Variants in PRDM7 observed in about 807,000 individuals in gnomAD.
PRDM7 encodes the protein histone-lysine N-methyltransferase PRDM7.
Under a neutral mutation model 64.3 loss-of-function variants are expected in PRDM7, and 52 were observed. The observed-to-expected ratio is 0.81, with a 90% CI of 0.65 to 1.02. PRDM7 has a LOEUF of 1.02. Ranked by LOEUF, PRDM7 falls within the 50% of genes least tolerant of loss-of-function variation. The pLI is 0.00. For missense variants in PRDM7, 574 were observed against 597.1 expected, an observed-to-expected ratio of 0.96 and a Z score of 0.40; for synonymous variants, 192 against 210.1, an observed-to-expected ratio of 0.91 and a Z score of 0.74.
At chr16:90,073,403 T>C (rs1324461127) in intron 4 of PRDM7, among the ~76,000 whole-genome samples, 1 of 139,316 alleles carries the variant, frequency 7.2e-6, no homozygotes, top group Non-Finnish European at 1.6e-5. Flanking sequence ...AGAATGACAA[T>C]TTTTTTTTTT....
chr16:90,073,797 C>T (rs548189493), intron 4 of PRDM7, among the ~76,000 whole-genome samples: 7 of 151,576 alleles, frequency 4.6e-5, no homozygotes, highest in South Asian at 4.2e-4. Flanking sequence ...TTTTTCCCCC[C>T]GAGACGGAGT....
In PRDM7 at chr16:90,066,867, G is replaced by C. The variant is rs1426748425; in HGVS notation, c.345C>G (p.His115Gln). The C allele has an allele frequency of 1.3e-6, 2 of 1,592,148 alleles. No homozygotes were observed. The change falls in exon 5 of 11, where the codon CAC becomes CAG. Residue 115 changes from histidine (H) to glutamine (Q), a missense_variant. Coordinates refer to ENST00000449207, the MANE Select transcript of PRDM7 (RefSeq NM_001098173.2). The stretch of plus-strand genomic sequence containing the variant: ...GGATTTGGGAGATACTTACCTTCTG[G>C]TGTTTACTCTGTTCTCCTCTGAAGG... ...WMAFRGEQSKHQKGMPKASFN... is the reference protein window; with the variant it reads ...WMAFRGEQSKQQKGMPKASFN...
chr16:90,071,252 C>G (rs12923514), intron 4 of PRDM7, among the ~76,000 whole-genome samples: 77,119 of 152,002 alleles, frequency 0.51, 22,868 homozygotes, highest in Middle Eastern at 0.78. Flanking sequence ...CTACCTCAAC[C>G]TCCCAAGTAG....
At chr16:90,059,634 C>T (rs763661465) in intron 10 of PRDM7, among the ~76,000 whole-genome samples, 1 of 152,260 alleles carries the variant, frequency 6.6e-6, no homozygotes, top group Non-Finnish European at 1.5e-5. Flanking sequence ...TGACAATCCC[C>T]TGCAACACTC....
In PRDM7 at chr16:90,062,517, A is replaced by G. The variant is rs1414866605; in HGVS notation, c.509-15T>C. On this transcript the variant is annotated splice_polypyrimidine_tract_variant and intron_variant, in intron 6 of 10. Transcript: ENST00000449207. ...CCTCCTGAGTTCTAGGTTGGAGAAG[A>G]GTAGATGGGTAAAATTGGGAGTCTG... The G allele has an allele frequency of 1.9e-6, 3 of 1,593,602 alleles. No individual in the cohort carries two copies. The highest frequency in any genetic ancestry group is 2.6e-6 in the Non-Finnish European group (3 of 1,161,538).
chr16:90,067,912 A>G (rs537858897), intron 4 of PRDM7, among the ~76,000 whole-genome samples: 1 of 151,348 alleles, frequency 6.6e-6, no homozygotes, highest in South Asian at 2.1e-4. Flanking sequence ...TTTTAACATC[A>G]TAGTCGATGA....
chr16:90,066,464 G>A lies in PRDM7; in HGVS notation c.351+397C>T, dbSNP rs1169928937. ...TTTTAATGATCTTGTAAGTGCTTTA[G>A]AGAAGGAGTTTTGGATTAGACTGCA... On this transcript the variant is annotated intron_variant, in intron 5 of 10. Coordinates refer to ENST00000449207, the MANE Select transcript of PRDM7 (RefSeq NM_001098173.2). Among the ~76,000 whole-genome samples, 2 of 151,206 alleles carry A rather than the reference G, an allele frequency of 1.3e-5. 1 individual carries two copies. The highest frequency in any genetic ancestry group is 4.9e-5 in the African/African-American group (2 of 40,618).
chr16:90,075,848 C>T lies in PRDM7; in HGVS notation c.63G>A (p.Lys21=). Residue 21 remains lysine (K), a synonymous_variant, in exon 2 of 11, where the codon AAG becomes AAA. Transcript: ENST00000449207. This position sits in a 1 kb window ranked among gnomAD's most constrained non-coding sequence, Gnocchi z 4.3. ...PEGDTERTER[K]PMVKDAFKDI... ...CGCCTCCCCGACTTCTCACCATGGGCTTCCGCTCTGTTCTCTCTGTGTCTC... is the reference window on the plus strand; with the variant it reads ...CGCCTCCCCGACTTCTCACCATGGGTTTCCGCTCTGTTCTCTCTGTGTCTC... 1 of 1,613,936 alleles carries T rather than the reference C, an allele frequency of 6.2e-7. No homozygotes were observed. The highest frequency in any genetic ancestry group is 8.5e-7 in the Non-Finnish European group (1 of 1,179,936).
intron 4 of PRDM7, among the ~76,000 whole-genome samples, chr16:90,068,242 G>A (rs1370972743): frequency 1.3e-5 from 2 of 150,440 alleles, no homozygotes; most frequent in South Asian, 2.1e-4. Context: ...TCATGCTACT[G>A]CACTCCAGCT....
chr16:90,072,103 C>T (rs1374873857), intron 4 of PRDM7, among the ~76,000 whole-genome samples: 1 of 152,046 alleles, frequency 6.6e-6, no homozygotes, highest in East Asian at 1.9e-4. Context: ...TGGTGGCAGG[C>T]GCTTGTAGTC....
intron 4 of PRDM7, among the ~76,000 whole-genome samples, chr16:90,067,552 A>G (rs1362522697): frequency 6.6e-6 from 1 of 150,876 alleles, no homozygotes; most frequent in African/African-American, 2.5e-5. Flanking sequence ...AATAGAAGGA[A>G]ATCACCTCGA....
chr16:90,068,917 T>C (rs2151310932), intron 4 of PRDM7, among the ~76,000 whole-genome samples: 1 of 151,430 alleles, frequency 6.6e-6, no homozygotes, highest in Non-Finnish European at 1.5e-5. Flanking sequence ...GACTTAATAT[T>C]GTTAACATGT....
Position 90,058,149 on chromosome 16 carries a change from G to A in PRDM7, c.*140C>T. 1.2e-6 allele frequency: 2 copies of A among 1,614,134 alleles called. No homozygotes were observed. The highest frequency in any genetic ancestry group is 2.2e-5 in the South Asian group (2 of 91,084). On this transcript the variant is annotated 3_prime_UTR_variant, in exon 11 of 11. Coordinates refer to ENST00000449207, the MANE Select transcript of PRDM7 (RefSeq NM_001098173.2). ...AGATTCCTACCCCCACAAATAATTTGCCTGTGTTCCCTGGATTCACTTTCT... is the reference window on the plus strand; with the variant it reads ...AGATTCCTACCCCCACAAATAATTTACCTGTGTTCCCTGGATTCACTTTCT...
At chr16:90,072,222 C>T (rs2037969213) in intron 4 of PRDM7, among the ~76,000 whole-genome samples, 3 of 143,840 alleles carry the variant, frequency 2.1e-5, no homozygotes, top group Admixed American at 7.2e-5. Context: ...CAGAGCGAGA[C>T]TCCATCTCAA....
chr16:90,064,078 G>A (rs534457122), intron 5 of PRDM7, among the ~76,000 whole-genome samples: 6 of 152,348 alleles, frequency 3.9e-5, no homozygotes, highest in Non-Finnish European at 7.4e-5. Context: ...AGGGCTTACA[G>A]AGAGAAGGAG....
At position 90,059,779 on chromosome 16, in the gene PRDM7, A is replaced by G. The variant is rs561662141; in HGVS notation, c.1233+562T>C. ...GATCCCAGGTATTCTTTCTGGATTC[A>G]TTTTCTTCAAAGCACTAATCGCCGT... On this transcript the variant is annotated intron_variant, in intron 10 of 10. Transcript: ENST00000449207. 1.7e-3 allele frequency among the ~76,000 whole-genome samples: 262 copies of G among 152,298 alleles called. 1 individual carries two copies. Among genetic ancestry groups the G allele is most frequent in the Middle Eastern group, 6.8e-3 (2 of 294 alleles).
chr16:90,062,134 T>C lies in PRDM7; in HGVS notation c.669A>G (p.Thr223=), dbSNP rs1170460240. Residue 223 remains threonine, a synonymous_variant, in exon 8 of 11, where the codon ACA becomes ACG. Coordinates refer to ENST00000449207, the MANE Select transcript of PRDM7 (RefSeq NM_001098173.2). ...IDSCAAHGPP[T]FVKDSAVDKG... is the part of the protein sequence containing the mutation. ...TGTCCACTGCACTGTCCTTTACAAA[T>C]GTAGGGGGCCCATGAGCAGCACAGC... 6.2e-7 allele frequency: 1 copy of C among 1,614,058 alleles called. No individual in the cohort carries two copies. Among genetic ancestry groups the C allele is most frequent in the Non-Finnish European group, 8.5e-7 (1 of 1,180,036 alleles).
chr16:90,068,385 C>A lies in PRDM7; in HGVS notation c.302-1475G>T, dbSNP rs189720200. On this transcript the variant is annotated intron_variant, in intron 4 of 10. Coordinates refer to ENST00000449207, the MANE Select transcript of PRDM7 (RefSeq NM_001098173.2). ...GCATGGTGGCTCAAGCCTATAATCC[C>A]AGCACTTTAGGAGGCAGAGGTGGGG... 2.6e-5 allele frequency among the ~76,000 whole-genome samples: 4 copies of A among 151,248 alleles called. No individual in the cohort carries two copies. The East Asian group carries it at 7.7e-4, about 29-fold the overall frequency.
chr16:90,061,906 G>T lies in PRDM7; in HGVS notation c.882+15C>A, dbSNP rs1399579554. The stretch of plus-strand genomic sequence containing the variant: ...GTGGGAAGACAGAACAGGGGAAACA[G>T]CAGGCTCTTCTTACTAGCCAGGAAT... On this transcript the variant is annotated intron_variant, in intron 8 of 10. Transcript: ENST00000449207. The T allele has an allele frequency of 6.2e-7, 1 of 1,614,210 alleles. No individual in the cohort carries two copies. The highest frequency in any genetic ancestry group is 1.3e-5 in the African/African-American group (1 of 75,072).
Sources: gnomAD v4.1 joint callset for allele counts (sites outside exome capture counted in the v4.1 genomes callset) on GRCh38, gnomAD v4.1.1 for gene constraint, Gnocchi (gnomAD v3.1) non-coding constraint, MANE v1.5 for transcripts, NCBI Gene and HGNC (gene_info 2026-07-23, HGNC 2026-07-21) for gene names.